Variants in RNLS observed in about 807,000 individuals in gnomAD.
The protein encoded by RNLS is renalase, FAD dependent amine oxidase, also known as renalase.
In RNLS, 39 loss-of-function variants were observed where a neutral mutation model predicts 39.8. The ratio of observed to expected loss-of-function variants is 0.98; its 90% confidence interval spans 0.76 to 1.28. The LOEUF is 1.28. Ranked by LOEUF, RNLS falls within the 50% of genes most tolerant of loss-of-function variation. The pLI is 0.00. For missense variants in RNLS, 410 were observed against 413.3 expected (o/e 0.99, Z 0.07); for synonymous variants, 147 against 150.7 (o/e 0.98, Z 0.18).
At chr10:88,180,583 T>A in the RNLS span, among the ~76,000 whole-genome samples, 1 of 152,228 alleles carries the variant, frequency 6.6e-6, no homozygotes, top group Non-Finnish European at 1.5e-5. Flanking sequence ...AAAATGTACG[T>A]GTGCGTGTGT....
the RNLS span, among the ~76,000 whole-genome samples, chr10:88,182,707 G>C: frequency 1.3e-5 from 2 of 152,046 alleles, no homozygotes; most frequent in African/African-American, 4.8e-5. Context: ...GTGAGAGAGT[G>C]ATTTTAAGTT....
intron 5 of RNLS, among the ~76,000 whole-genome samples, chr10:88,315,491 A>G (rs946958941): frequency 6.6e-6 from 1 of 152,222 alleles, no homozygotes; most frequent in Non-Finnish European, 1.5e-5. Context: ...GAAAACAATG[A>G]TAGATGTGAA....
chr10:88,489,651 C>A (rs1221226123), intron 4 of RNLS, among the ~76,000 whole-genome samples: 1 of 152,192 alleles, frequency 6.6e-6, no homozygotes, highest in Non-Finnish European at 1.5e-5. Context: ...AGAACAGATA[C>A]CTCCTGCAGA....
rs1847576900 is a variant in RNLS at position 88,337,306 on chromosome 10, T to C, written c.701-22665A>G. Among the ~76,000 whole-genome samples the C allele has an allele frequency of 2.0e-5, 3 of 152,190 alleles. No homozygotes were observed. In the South Asian group the frequency reaches 6.2e-4, roughly 31 times the overall value. On this transcript the variant is annotated intron_variant, in intron 5 of 6. Coordinates refer to ENST00000331772, the MANE Select transcript of RNLS (RefSeq NM_001031709.3). ...AGGACCAGATGAGAGAACGTCTGTG[T>C]GGTGGATGTCAGCTGCTCAGCATCC... is the stretch of plus-strand genomic sequence containing the variant.
At chr10:88,309,299 A>T (rs973851843) in intron 6 of RNLS, 1 of 836,184 alleles carries the variant, frequency 1.2e-6, no homozygotes, top group Non-Finnish European at 1.7e-6. Context: ...GGAAAAGAAA[A>T]AGAAAATGCA....
intron 4 of RNLS, among the ~76,000 whole-genome samples, chr10:88,570,976 T>G (rs7475418): frequency 1.8e-5 from 2 of 112,760 alleles, no homozygotes; most frequent in South Asian, 3.5e-4. Flanking sequence ...TTTTTTTTTT[T>G]TTTTTTTGGT....
the RNLS span, among the ~76,000 whole-genome samples, chr10:88,232,660 G>A: frequency 1.3e-5 from 2 of 152,126 alleles, no homozygotes; most frequent in Admixed American, 6.5e-5. Flanking sequence ...TTTGTCATCC[G>A]ATCATTGGCT....
At chr10:88,433,680 C>G (rs1855274903) in intron 4 of RNLS, among the ~76,000 whole-genome samples, 1 of 151,960 alleles carries the variant, frequency 6.6e-6, no homozygotes, top group Non-Finnish European at 1.5e-5. Flanking sequence ...GTAATATTAG[C>G]AATCATAACT....
chr10:88,295,546 TTG>T (rs1844024354), intron 6 of RNLS, among the ~76,000 whole-genome samples: 4 of 152,142 alleles, frequency 2.6e-5, no homozygotes, highest in Admixed American at 2.6e-4. Context: ...CTTACTTGTA[TTG>T]TGGACTCCTG....
intron 4 of RNLS, among the ~76,000 whole-genome samples, chr10:88,562,527 G>C (rs181152198): frequency 9.4e-4 from 143 of 152,264 alleles, no homozygotes; most frequent in Non-Finnish European, 1.5e-3. Flanking sequence ...CTGGGGAATG[G>C]AAAGGAGGGC....
chr10:88,564,623 G>A (rs566045348), intron 4 of RNLS, among the ~76,000 whole-genome samples: 4 of 152,248 alleles, frequency 2.6e-5, no homozygotes. Flanking sequence ...TCATTTTACT[G>A]AGGTTCACAT....
Position 88,359,043 on chromosome 10 carries a change from T to C in RNLS, c.700+3509A>G, listed in dbSNP as rs548232171. Among the ~76,000 whole-genome samples, 331 of 152,320 alleles carry C rather than the reference T, an allele frequency of 2.2e-3. 4 individuals carry two copies. The highest frequency in any genetic ancestry group is 7.5e-3 in the African/African-American group (313 of 41,574). On this transcript the variant is annotated intron_variant, in intron 5 of 6. Coordinates refer to ENST00000331772, the MANE Select transcript of RNLS (RefSeq NM_001031709.3). ...AGAAACATCTCCTGGCCGGGTACAG[T>C]GGCTCATGCCTGTAATCCCAGCACT...
intron 5 of RNLS, among the ~76,000 whole-genome samples, chr10:88,322,917 T>C (rs185494587): frequency 1.3e-5 from 2 of 152,250 alleles, no homozygotes; most frequent in East Asian, 1.9e-4. Flanking sequence ...CTAGACCTGA[T>C]AAATGACTTC....
At chr10:88,337,817 T>C (rs540705525) in intron 5 of RNLS, among the ~76,000 whole-genome samples, 2 of 152,330 alleles carry the variant, frequency 1.3e-5, no homozygotes, top group South Asian at 4.1e-4. Flanking sequence ...ACTTAAACTA[T>C]TCTAGTGTGT....
chr10:88,230,466 C>G, the RNLS span, among the ~76,000 whole-genome samples: 86 of 152,242 alleles, frequency 5.6e-4, no homozygotes, highest in Admixed American at 2.4e-3. Context: ...TCTTCCCTAA[C>G]GGCCTCCTGC....
the RNLS span, among the ~76,000 whole-genome samples, chr10:88,195,423 C>A: frequency 7.1e-4 from 108 of 152,072 alleles, no homozygotes; most frequent in African/African-American, 2.5e-3. Context: ...AATTTCACAC[C>A]CCCCTCCTTT....
chr10:88,573,290 C>T (rs1438533910), intron 3 of RNLS, among the ~76,000 whole-genome samples: 1 of 152,154 alleles, frequency 6.6e-6, no homozygotes, highest in Non-Finnish European at 1.5e-5. Flanking sequence ...AAAACTACTC[C>T]TACAATTAGT....
intron 5 of RNLS, among the ~76,000 whole-genome samples, chr10:88,359,010 T>C (rs1242933462): frequency 6.6e-6 from 1 of 152,184 alleles, no homozygotes; most frequent in Non-Finnish European, 1.5e-5. Flanking sequence ...GTAGTGTTAC[T>C]GGCATAAAGA....
At chr10:88,276,033 G>A (rs1242303257) in intron 6 of RNLS, among the ~76,000 whole-genome samples, 2 of 152,126 alleles carry the variant, frequency 1.3e-5, no homozygotes, top group Non-Finnish European at 2.9e-5. Flanking sequence ...CAGCTTAGGT[G>A]ACAGAGCAAG....
Sources: allele counts gnomAD v4.1 joint callset (sites outside exome capture counted in the v4.1 genomes callset), GRCh38; gene constraint gnomAD v4.1.1; transcripts MANE v1.5; gene names NCBI Gene and HGNC (gene_info 2026-07-23, HGNC 2026-07-21).